Variants in GRID2 observed in about 807,000 individuals in gnomAD.
GRID2 encodes the protein glutamate ionotropic receptor delta type subunit 2.
A neutral mutation model predicts 114.8 loss-of-function variants in GRID2; 33 were observed. The observed-to-expected ratio is 0.29, with a 90% CI of 0.22 to 0.38. The LOEUF is 0.38. Ranked by LOEUF, GRID2 falls within the 10% of genes least tolerant of loss-of-function variation. The probability of loss-of-function intolerance (pLI) is 1.00; values close to 1 mark genes in which losing one functional copy is unlikely to be tolerated. For missense variants in GRID2, 1,184 were observed against 1,257.7 expected (o/e 0.94, Z 0.89); for synonymous variants, 505 against 449.9 (o/e 1.12, Z -1.55).
chr4:93,042,492 AC>A (rs1000735167), intron 2 of GRID2, among the ~76,000 whole-genome samples: 3 of 148,618 alleles, frequency 2.0e-5, no homozygotes, highest in African/African-American at 7.4e-5. Context: ...GTAAGGAGGA[AC>A]CAGGAAGTGA....
At chr4:92,821,333 C>A (rs1173250025) in intron 2 of GRID2, among the ~76,000 whole-genome samples, 2 of 152,098 alleles carry the variant, frequency 1.3e-5, no homozygotes, top group African/African-American at 4.8e-5. Context: ...GAAGAGAGAA[C>A]AAAATGGTTG....
intron 1 of GRID2, among the ~76,000 whole-genome samples, chr4:92,397,342 ATGTGTGTGTGTGTGTGTGTGTG>A (rs58085283): frequency 7.0e-6 from 1 of 142,692 alleles, no homozygotes; most frequent in Non-Finnish European, 1.5e-5. Context: ...GTGTGTTTGT[ATGTGTGTGTGTGTGTGTGTGTG>A]TGTGTGTGTG....
chr4:92,805,389 T>C (rs990177820), intron 2 of GRID2, among the ~76,000 whole-genome samples: 1 of 151,982 alleles, frequency 6.6e-6, no homozygotes, highest in Non-Finnish European at 1.5e-5. Context: ...AAAAAGAGAA[T>C]TGTGGTCAAA....
At chr4:93,044,590 G>A (rs946841053) in intron 2 of GRID2, among the ~76,000 whole-genome samples, 9 of 152,254 alleles carry the variant, frequency 5.9e-5, no homozygotes, top group South Asian at 2.1e-4. Flanking sequence ...AAAAATCAAA[G>A]AGAAAATAGG....
intron 13 of GRID2, among the ~76,000 whole-genome samples, chr4:93,546,392 A>G (rs1331668509): frequency 6.6e-6 from 1 of 152,206 alleles, no homozygotes; most frequent in African/African-American, 2.4e-5. Context: ...GAGAAAATGC[A>G]GCTAGAGACA....
intron 1 of GRID2, among the ~76,000 whole-genome samples, chr4:92,374,272 G>A (rs1473730213): frequency 6.6e-6 from 1 of 152,070 alleles, no homozygotes; most frequent in African/African-American, 2.4e-5. Context: ...AAGAACTTGG[G>A]TCTCCATAAT....
At chr4:92,865,574 A>G (rs1278025224) in intron 2 of GRID2, among the ~76,000 whole-genome samples, 2 of 152,174 alleles carry the variant, frequency 1.3e-5, no homozygotes, top group Non-Finnish European at 1.5e-5. Context: ...GATCCTTGCT[A>G]TCATATTCCC....
intron 2 of GRID2, among the ~76,000 whole-genome samples, chr4:92,944,436 G>A (rs180907999): frequency 6.6e-6 from 1 of 152,306 alleles, no homozygotes; most frequent in East Asian, 1.9e-4. Flanking sequence ...CACAGTATTA[G>A]GGTGGGAGTG....
At chr4:93,375,435 A>G (rs1368773787) in intron 8 of GRID2, among the ~76,000 whole-genome samples, 1 of 150,870 alleles carries the variant, frequency 6.6e-6, no homozygotes, top group African/African-American at 2.4e-5. Flanking sequence ...CTGGTCTTGA[A>G]CTCCTGACCT....
At chr4:93,090,621 G>C (rs1217174075) in intron 3 of GRID2, among the ~76,000 whole-genome samples, 1 of 152,090 alleles carries the variant, frequency 6.6e-6, no homozygotes, top group South Asian at 2.1e-4. Context: ...AATAAATAAA[G>C]GTAGCCTCAC....
chr4:92,627,873 A>G (rs760752180), intron 2 of GRID2, among the ~76,000 whole-genome samples: 3 of 152,282 alleles, frequency 2.0e-5, no homozygotes, highest in East Asian at 1.9e-4. Context: ...GCTGATTTCC[A>G]TAAGTGTGTA....
chr4:92,754,192 C>G (rs1737596744), intron 2 of GRID2, among the ~76,000 whole-genome samples: 1 of 152,156 alleles, frequency 6.6e-6, no homozygotes, highest in South Asian at 2.1e-4. Flanking sequence ...AACTACAGTG[C>G]CCAGACATTT....
intron 8 of GRID2, among the ~76,000 whole-genome samples, chr4:93,240,083 T>TA (rs1431435754): frequency 6.6e-6 from 1 of 151,644 alleles, no homozygotes; most frequent in Non-Finnish European, 1.5e-5. Context: ...AAGCTGCTGT[T>TA]ACAAAAATTC....
At chr4:92,623,486 T>A (rs1307500440) in intron 2 of GRID2, among the ~76,000 whole-genome samples, 2 of 151,688 alleles carry the variant, frequency 1.3e-5, no homozygotes, top group Non-Finnish European at 3.0e-5. Context: ...GAAAACTATA[T>A]GTAAGCACAG....
chr4:93,481,369 G>A (rs539003532), intron 11 of GRID2, among the ~76,000 whole-genome samples: 10 of 151,940 alleles, frequency 6.6e-5, no homozygotes, highest in Admixed American at 2.0e-4. Context: ...TTATATGGCA[G>A]AAGATTTAAT....
chr4:92,853,883 A>G (rs1359007271), intron 2 of GRID2, among the ~76,000 whole-genome samples: 2 of 151,780 alleles, frequency 1.3e-5, no homozygotes, highest in African/African-American at 4.8e-5. Flanking sequence ...AAAACTACAC[A>G]TCGGGTACCA....
At chr4:92,684,965 A>G (rs1430589105) in intron 2 of GRID2, among the ~76,000 whole-genome samples, 1 of 152,038 alleles carries the variant, frequency 6.6e-6, no homozygotes, top group Non-Finnish European at 1.5e-5. Flanking sequence ...TCAGCTTTCT[A>G]ATTACTACTA....
At chr4:93,083,885 A>G (rs1018473934) in intron 2 of GRID2, among the ~76,000 whole-genome samples, 18 of 152,102 alleles carry the variant, frequency 1.2e-4, no homozygotes, top group Non-Finnish European at 2.5e-4. Flanking sequence ...TATGCTTATC[A>G]TTAGTACAGC....
intron 13 of GRID2, among the ~76,000 whole-genome samples, chr4:93,623,320 C>G (rs190627145): frequency 1.2e-3 from 190 of 152,156 alleles, no homozygotes; most frequent in African/African-American, 4.1e-3. Context: ...CCCTGACCCC[C>G]CAACAGGCCC....
Sources: allele counts gnomAD v4.1 joint callset (sites outside exome capture counted in the v4.1 genomes callset), GRCh38; gene constraint gnomAD v4.1.1; transcripts MANE v1.5; gene names NCBI Gene and HGNC (gene_info 2026-07-23, HGNC 2026-07-21).